PLCZ1: variants seen among roughly 807,000 people sequenced by gnomAD.
PLCZ1 encodes 1-phosphatidylinositol 4,5-bisphosphate phosphodiesterase zeta-1.
PLCZ1 carries 64 observed loss-of-function variants against 76.8 expected under a neutral mutation model. The ratio of observed to expected loss-of-function variants is 0.83; its 90% CI spans 0.68 to 1.03. PLCZ1 has a LOEUF of 1.03. Ranked by LOEUF, PLCZ1 falls within the 50% of genes least tolerant of loss-of-function variation. The probability of loss-of-function intolerance (pLI) is 0.00; values close to 1 mark genes in which losing one functional copy is unlikely to be tolerated. For missense variants in PLCZ1, 751 were observed against 713.7 expected (o/e 1.05, Z -0.60); for synonymous variants, 248 against 230.8 (o/e 1.07, Z -0.68).
chr12:18,652,931 C>T, the PLCZ1 span, among the ~76,000 whole-genome samples: 1 of 151,388 alleles, frequency 6.6e-6, no homozygotes, highest in Non-Finnish European at 1.5e-5. Context: ...TTCTGTCTCA[C>T]ACAGAGAGAG....
intron 5 of PLCZ1, among the ~76,000 whole-genome samples, chr12:18,716,622 T>C (rs899426120): frequency 1.1e-4 from 16 of 152,216 alleles, no homozygotes; most frequent in African/African-American, 3.6e-4. Context: ...CTTCGGCTGC[T>C]AGGAAACTTA....
the PLCZ1 span, chr12:18,647,978 G>A: frequency 6.3e-7 from 1 of 1,598,410 alleles, no homozygotes. Context: ...ACTCTGTAGT[G>A]TCCCACTCGA....
intron 6 of PLCZ1, among the ~76,000 whole-genome samples, chr12:18,710,445 G>C (rs1175676923): frequency 6.6e-6 from 1 of 151,802 alleles, no homozygotes; most frequent in Non-Finnish European, 1.5e-5. Flanking sequence ...AGTTAAAATA[G>C]GTAATGAAAA....
chr12:18,711,610 AAGG>A (rs1302336929), intron 6 of PLCZ1, among the ~76,000 whole-genome samples: 1 of 151,420 alleles, frequency 6.6e-6, no homozygotes, highest in African/African-American at 2.4e-5. Flanking sequence ...GGACTGAGAG[AAGG>A]AGAAGTAGGT....
chr12:18,696,899 C>T (rs140035836), intron 10 of PLCZ1, among the ~76,000 whole-genome samples: 343 of 152,208 alleles, frequency 2.3e-3, no homozygotes, highest in Non-Finnish European at 4.0e-3. Context: ...GTCGTTCTTA[C>T]TGGGATAATC....
the PLCZ1 span, among the ~76,000 whole-genome samples, chr12:18,654,064 A>C: frequency 6.6e-6 from 1 of 152,094 alleles, no homozygotes; most frequent in Non-Finnish European, 1.5e-5. Context: ...AAAATAAAAT[A>C]GAATGTGTCA....
chr12:18,692,529 T>C (rs998823299), intron 12 of PLCZ1, among the ~76,000 whole-genome samples: 1 of 151,972 alleles, frequency 6.6e-6, no homozygotes, highest in Admixed American at 6.6e-5. Context: ...CAGGATGTGA[T>C]AAAATAAAAG....
intron 6 of PLCZ1, among the ~76,000 whole-genome samples, chr12:18,708,703 A>T (rs1041170090): frequency 1.1e-4 from 16 of 152,072 alleles, no homozygotes; most frequent in African/African-American, 3.6e-4. Flanking sequence ...ACCTTCTAAC[A>T]TGGTAAGACT....
At chr12:18,706,196 C>A (rs1956593667) in intron 6 of PLCZ1, among the ~76,000 whole-genome samples, 1 of 151,242 alleles carries the variant, frequency 6.6e-6, no homozygotes, top group Admixed American at 6.6e-5. Flanking sequence ...TGCACCATTG[C>A]ACTCCAGCCT....
intron 3 of PLCZ1, among the ~76,000 whole-genome samples, chr12:18,728,144 C>A (rs1032777795): frequency 1.3e-5 from 2 of 152,036 alleles, no homozygotes; most frequent in African/African-American, 4.8e-5. Context: ...AGCCAGCAGG[C>A]AAATGGTTGT....
chr12:18,684,611 A>G (rs557205905), intron 13 of PLCZ1, among the ~76,000 whole-genome samples: 1 of 152,230 alleles, frequency 6.6e-6, no homozygotes, highest in East Asian at 1.9e-4. Flanking sequence ...CAGATCAGGA[A>G]TTCAAAAACG....
chr12:18,711,947 T>C (rs1326561353), intron 6 of PLCZ1, among the ~76,000 whole-genome samples: 1 of 152,158 alleles, frequency 6.6e-6, no homozygotes, highest in Non-Finnish European at 1.5e-5. Flanking sequence ...ATCTTTGAAA[T>C]ATTTATTTTG....
At chr12:18,727,217 G>A (rs1211367746) in intron 3 of PLCZ1, among the ~76,000 whole-genome samples, 2 of 151,944 alleles carry the variant, frequency 1.3e-5, no homozygotes, top group African/African-American at 4.8e-5. Flanking sequence ...GTGCATTGGT[G>A]CCTGCCTGTA....
At chr12:18,672,154 G>C in the PLCZ1 span, among the ~76,000 whole-genome samples, 1 of 152,160 alleles carries the variant, frequency 6.6e-6, no homozygotes, top group African/African-American at 2.4e-5. Context: ...AGTGGATCAT[G>C]TTTTATGGCT....
At chr12:18,669,342 C>G in the PLCZ1 span, among the ~76,000 whole-genome samples, 1 of 152,186 alleles carries the variant, frequency 6.6e-6, no homozygotes, top group African/African-American at 2.4e-5. Context: ...ATGTAGCAGG[C>G]ACCACAGTAA....
the PLCZ1 span, among the ~76,000 whole-genome samples, chr12:18,653,355 C>A: frequency 1.3e-5 from 2 of 152,138 alleles, no homozygotes; most frequent in Non-Finnish European, 2.9e-5. Flanking sequence ...CATGATGTAA[C>A]ACAAATGTTA....
intron 5 of PLCZ1, 61 bp from the exon 6 acceptor site, chr12:18,713,047 T>A: frequency 6.3e-7 from 1 of 1,583,208 alleles, no homozygotes; most frequent in South Asian, 1.1e-5. Context: ...TATACCAAAG[T>A]ATTAAAATAT....
In PLCZ1 at chr12:18,694,904, T is replaced by C. The variant is rs1384925685; in HGVS notation, c.1461+6A>G. 1.9e-6 allele frequency: 3 copies of C among 1,575,754 alleles called. No homozygotes were observed. In the African/African-American group the frequency reaches 4.1e-5, roughly 21 times the overall value. On this transcript the variant is annotated splice_donor_region_variant and intron_variant, in intron 12 of 14. Transcript: ENST00000266505. Reference sequence around the variant, plus strand: ...AAAAATGTAAAAGAAAATTTATTAATCTTACCCTTATTGTAAGTGTAATTG... The same window carrying C: ...AAAAATGTAAAAGAAAATTTATTAACCTTACCCTTATTGTAAGTGTAATTG...
At chr12:18,665,145 C>A in the PLCZ1 span, among the ~76,000 whole-genome samples, 1 of 150,168 alleles carries the variant, frequency 6.7e-6, no homozygotes, top group African/African-American at 2.5e-5. Context: ...TACCCTAAAA[C>A]TTAAAGCATA....
Sources: gnomAD v4.1 joint callset for allele counts (sites outside exome capture counted in the v4.1 genomes callset) on GRCh38, gnomAD v4.1.1 for gene constraint, MANE v1.5 for transcripts, NCBI Gene and HGNC (gene_info 2026-07-23, HGNC 2026-07-21) for gene names.